Variants in FUNDC2 observed in about 807,000 individuals in gnomAD.
The protein encoded by FUNDC2 is FUN14 domain-containing protein 2.
Under a neutral mutation model 15.6 loss-of-function variants are expected in FUNDC2, and 4 were observed. That is an observed-to-expected ratio of 0.26 (90% confidence interval 0.13 to 0.59). The LOEUF (loss-of-function observed/expected upper bound fraction) is 0.59, where lower values mean the gene tolerates loss of function less well. Among genes scored for constraint, FUNDC2 ranks in the 20% least tolerant of loss-of-function variants. FUNDC2 has a pLI of 0.90. For missense variants in FUNDC2, 98 were observed against 149.7 expected, an observed-to-expected ratio of 0.65 and a Z score of 1.80; for synonymous variants, 44 against 56.9, an observed-to-expected ratio of 0.77 and a Z score of 1.02.
At position 155,054,603 on chromosome X, in the gene FUNDC2, A is replaced by C. The variant is rs1310760690; in HGVS notation, c.501A>C (p.Ser167=). 3 of 1,209,318 alleles carry C rather than the reference A, an allele frequency of 2.5e-6. No individual in the cohort carries two copies. Among genetic ancestry groups the C allele is most frequent in the Non-Finnish European group, 3.4e-6 (3 of 894,845 alleles). ...EVRSKAEEVV[S]FVKKNVLVTG... is the part of the protein sequence containing the mutation. ...CTATCTTCTGTTTTCAGGTGGTGTCATTTGTGAAGAAGAATGTTCTAGTAA... is the reference window on the plus strand; with the variant it reads ...CTATCTTCTGTTTTCAGGTGGTGTCCTTTGTGAAGAAGAATGTTCTAGTAA... Residue 167 remains serine (S), a synonymous_variant, in exon 5 of 5, where the codon TCA becomes TCC. Coordinates refer to ENST00000369498, the MANE Select transcript of FUNDC2 (RefSeq NM_023934.4).
At position 155,051,678 on chromosome X, in the gene FUNDC2, C is replaced by T; in HGVS notation, c.369C>T (p.Asn123=). ...TATTGTTGATACTGTAGCTTGCAAA[C>T]CATACTGGGTACATCAAAGTTGACT... ...GGGFFLLQLA[N]HTGYIKVDWQ... is the part of the protein sequence containing the mutation. The change falls in exon 4 of 5, where the codon AAC becomes AAT. Residue 123 remains asparagine, a synonymous_variant. Coordinates refer to ENST00000369498, the MANE Select transcript of FUNDC2 (RefSeq NM_023934.4). The T allele has an allele frequency of 3.3e-6, 4 of 1,209,961 alleles. No homozygotes were observed. The highest frequency in any genetic ancestry group is 4.5e-6 in the Non-Finnish European group (4 of 894,028).
rs782699941 is a variant in FUNDC2, at chrX:155,029,475, C to T, written c.133+2404C>T. ...ATTACATAAAAACCTACTTTTTTGCCGGGCGTGGTGGCTCACTCCTGTAAT... is the reference window on the plus strand; with the variant it reads ...ATTACATAAAAACCTACTTTTTTGCTGGGCGTGGTGGCTCACTCCTGTAAT... On this transcript the variant is annotated intron_variant, in intron 1 of 4. Coordinates refer to ENST00000369498, the MANE Select transcript of FUNDC2 (RefSeq NM_023934.4). Among the ~76,000 whole-genome samples, 7 of 111,115 alleles carry T rather than the reference C, an allele frequency of 6.3e-5. No individual in the cohort carries two copies. In the South Asian group the frequency reaches 1.1e-3, roughly 18 times the overall value.
intron 2 of FUNDC2, among the ~76,000 whole-genome samples, chrX:155,036,223 A>G (rs1312916880): frequency 8.9e-6 from 1 of 112,230 alleles, no homozygotes; most frequent in East Asian, 2.8e-4. Flanking sequence ...ATGAAGTTGT[A>G]TCTCATTGTG....
chrX:155,046,108 G>GT (rs1214652498), intron 2 of FUNDC2, among the ~76,000 whole-genome samples: 40 of 103,701 alleles, frequency 3.9e-4, no homozygotes, highest in South Asian at 8.5e-4. Flanking sequence ...ACTCAGGAGT[G>GT]TTTTTTTTTT....
chrX:155,051,934 A>T, intron 4 of FUNDC2, 133 bp downstream of exon 4: 1 of 595,654 alleles, frequency 1.7e-6, no homozygotes, highest in South Asian at 3.7e-5. Context: ...AGACAAAACT[A>T]ACTTGGATTA....
intron 2 of FUNDC2, among the ~76,000 whole-genome samples, chrX:155,034,657 G>A (rs2073825711): frequency 8.9e-6 from 1 of 111,901 alleles, no homozygotes; most frequent in Admixed American, 9.5e-5. Flanking sequence ...TGTTCTACAT[G>A]GTGGCACTTG....
At position 155,055,394 on chromosome X, in the gene FUNDC2, C is replaced by G. The variant is rs782480314; in HGVS notation, c.*722C>G. The G allele has an allele frequency of 6.5e-5, 19 of 291,293 alleles. No individual in the cohort carries two copies. The highest frequency in any genetic ancestry group is 1.9e-4 in the Admixed American group (3 of 15,642). The allele number at this position is 291,293 out of a possible 1,213,427, so 24.0% of individuals were successfully genotyped here. ...AGCTTTGAAATGTGAATGAAATATCCTTATCAAAACATTAGGGGTGGCCAT... is the reference window on the plus strand; with the variant it reads ...AGCTTTGAAATGTGAATGAAATATCGTTATCAAAACATTAGGGGTGGCCAT... On this transcript the variant is annotated 3_prime_UTR_variant, in exon 5 of 5. Transcript: ENST00000369498.
rs189942576 is a variant in FUNDC2 at position 155,058,331 on chromosome X, G to T, written c.*3659G>T. The stretch of plus-strand genomic sequence containing the variant: ...AGTTACTGTGTAGTTAACAACTATT[G>T]TGGTAAGAATAGTCTCTCCATCATT... On this transcript the variant is annotated 3_prime_UTR_variant, in exon 5 of 5. Transcript: ENST00000369498. 1 of 112,022 alleles carries T rather than the reference G, an allele frequency of 8.9e-6. No homozygotes were observed. The highest frequency in any genetic ancestry group is 2.8e-4 in the East Asian group (1 of 3,579). 9.2% of individuals were successfully genotyped at this position (112,022 alleles called of 1,213,427 possible). A position where few individuals can be genotyped will look rare whatever the true frequency, so the allele number is the denominator to read the frequency against.
At chrX:155,054,530 A>G (rs1202652359) in intron 4 of FUNDC2, 65 bp from the exon 5 acceptor site, 11 of 1,201,371 alleles carry the variant, frequency 9.2e-6, no homozygotes, top group South Asian at 1.8e-5. Flanking sequence ...GGTATAATAG[A>G]GATGATTCTT....
rs782247828 is a variant in FUNDC2, at chrX:155,058,704, CTGAG to C, written c.*4034_*4037del. The C allele has an allele frequency of 1.8e-5, 2 of 110,754 alleles. No homozygotes were observed. Among genetic ancestry groups the C allele is most frequent in the African/African-American group, 6.6e-5 (2 of 30,432 alleles). The allele number at this position is 110,754 out of a possible 1,213,427, so 9.1% of individuals were successfully genotyped here. ...ATTTTCTAAGAGGTCACACTAACAT[CTGAG>C]TAATTGGGCAGAAAACCTATTTTAG... On this transcript the variant is annotated 3_prime_UTR_variant, in exon 5 of 5. Coordinates refer to ENST00000369498, the MANE Select transcript of FUNDC2 (RefSeq NM_023934.4).
At chrX:155,039,045 T>G (rs2073840060) in intron 2 of FUNDC2, among the ~76,000 whole-genome samples, 1 of 112,453 alleles carries the variant, frequency 8.9e-6, no homozygotes, top group Non-Finnish European at 1.9e-5. Flanking sequence ...ATAGCCATCC[T>G]AACAGGTGTG....
chrX:155,035,942 T>G (rs1259070536), intron 2 of FUNDC2, among the ~76,000 whole-genome samples: 2 of 112,531 alleles, frequency 1.8e-5, no homozygotes, highest in African/African-American at 6.5e-5. Flanking sequence ...TTTTTTTCAC[T>G]TTTTAGCTGT....
chrX:155,050,766 T>G (rs2073877322), intron 3 of FUNDC2: 1 of 112,210 alleles, frequency 8.9e-6, no homozygotes, highest in African/African-American at 3.2e-5. Context: ...TACCCATTTT[T>G]AAAGTGAACT....
Position 155,053,761 on chromosome X carries a change from G to A in FUNDC2, c.493-834G>A, listed in dbSNP as rs1557290644. 4 of 701,569 alleles carry A rather than the reference G, an allele frequency of 5.7e-6. No homozygotes were observed. The Admixed American group carries it at 2.7e-4, about 47-fold the overall frequency. The allele number at this position is 701,569 out of a possible 1,213,427, so 57.8% of individuals were successfully genotyped here. A position where few individuals can be genotyped will look rare whatever the true frequency, so the allele number is the denominator to read the frequency against. On this transcript the variant is annotated intron_variant, in intron 4 of 4. Transcript: ENST00000369498. ...TTTGGGGATGGAAGTCACCGTACTT[G>A]AGTTCAAGAAATGATCAGGCCAGGA...
rs1284413477 is a variant in FUNDC2, at chrX:155,056,056, G to A, written c.*1384G>A. 1 of 112,182 alleles carries A rather than the reference G, an allele frequency of 8.9e-6. No individual in the cohort carries two copies. Among genetic ancestry groups the A allele is most frequent in the Non-Finnish European group, 1.9e-5 (1 of 53,249 alleles). 9.2% of individuals were successfully genotyped at this position (112,182 alleles called of 1,213,427 possible). A position where few individuals can be genotyped will look rare whatever the true frequency, so the allele number is the denominator to read the frequency against. ...CATTTAAGGAAACATAAGCCATTTT[G>A]CTTGCAATATGTATGAATCATCTCA... is the stretch of plus-strand genomic sequence containing the variant. On this transcript the variant is annotated 3_prime_UTR_variant, in exon 5 of 5. Transcript: ENST00000369498.
Position 155,057,925 on chromosome X carries a change from G to C in FUNDC2, c.*3253G>C, listed in dbSNP as rs1364372130. 2.7e-5 allele frequency: 3 copies of C among 111,684 alleles called. No homozygotes were observed. The highest frequency in any genetic ancestry group is 3.8e-5 in the Non-Finnish European group (2 of 53,035). 9.2% of individuals were successfully genotyped at this position (111,684 alleles called of 1,213,427 possible). ...AGTCCAATGTTTCAGTCTCCCCCAA[G>C]AATGTGTATCCTCATTGCTGACACG... On this transcript the variant is annotated 3_prime_UTR_variant, in exon 5 of 5. Transcript: ENST00000369498.
chrX:155,043,057 C>T (rs1314817668), intron 2 of FUNDC2, among the ~76,000 whole-genome samples: 1 of 111,529 alleles, frequency 9.0e-6, no homozygotes, highest in Non-Finnish European at 1.9e-5. Flanking sequence ...CCACCTCAGC[C>T]TCTTGAATAG....
chrX:155,027,432 TAC>T (rs1167230209), intron 1 of FUNDC2: 2 of 129,817 alleles, frequency 1.5e-5, no homozygotes, highest in African/African-American at 6.3e-5. Context: ...TCATTCTGTG[TAC>T]AAGGCACCTC....
intron 2 of FUNDC2, among the ~76,000 whole-genome samples, chrX:155,042,061 T>TC (rs2073848001): frequency 1.4e-5 from 1 of 70,028 alleles, no homozygotes; most frequent in Admixed American, 2.1e-4. Flanking sequence ...AGAGCGAGAC[T>TC]CCGTCTCAAA....
Sources: allele counts gnomAD v4.1 joint callset (sites outside exome capture counted in the v4.1 genomes callset), GRCh38; gene constraint gnomAD v4.1.1; transcripts MANE v1.5; gene names NCBI Gene and HGNC (gene_info 2026-07-23, HGNC 2026-07-21).